Variants in EBF2 observed in about 807,000 individuals in gnomAD.
EBF2 encodes EBF transcription factor 2, also known as transcription factor COE2.
EBF2 carries 21 observed loss-of-function variants against 72.8 expected under a neutral mutation model. That is an observed-to-expected ratio of 0.29 (90% CI 0.20 to 0.42). EBF2 has a LOEUF of 0.42. Ranked by LOEUF, EBF2 falls within the 10% of genes least tolerant of loss-of-function variation. The probability of loss-of-function intolerance (pLI) is 1.00; values close to 1 mark genes in which losing one functional copy is unlikely to be tolerated. For synonymous variants in EBF2, 299 were observed against 274.2 expected (o/e 1.09, Z -0.89); for missense variants, 637 against 731.2 (o/e 0.87, Z 1.49).
chr8:25,928,003 A>G (rs73553979), intron 6 of EBF2, among the ~76,000 whole-genome samples: 3,259 of 152,250 alleles, frequency 0.021, 120 homozygotes, highest in African/African-American at 0.074. Context: ...ATATTATAAA[A>G]AAGTCCATCA....
Position 25,916,193 on chromosome 8 carries a change from C to T in EBF2, c.552-7638G>A, listed in dbSNP as rs190918184. On this transcript the variant is annotated intron_variant, in intron 6 of 15. Transcript: ENST00000520164. Reference sequence around the variant, plus strand: ...CCTAGCGACTTGGGAGGCTGAGACACGAGAATCACTTGAATCTGGGAGGCG... The same window carrying T: ...CCTAGCGACTTGGGAGGCTGAGACATGAGAATCACTTGAATCTGGGAGGCG... Among the ~76,000 whole-genome samples, 899 of 149,270 alleles carry T rather than the reference C, an allele frequency of 6.0e-3. 4 individuals carry two copies. The highest frequency in any genetic ancestry group is 9.8e-3 in the Non-Finnish European group (661 of 67,574).
Position 26,044,960 on chromosome 8 carries a change from C to A in EBF2, c.-101G>T. 1 of 1,307,098 alleles carries A rather than the reference C, an allele frequency of 7.7e-7. No individual in the cohort carries two copies. Among genetic ancestry groups the A allele is most frequent in the South Asian group, 1.6e-5 (1 of 60,776 alleles). 81.0% of individuals were successfully genotyped at this position (1,307,098 alleles called of 1,614,324 possible). A position where few individuals can be genotyped will look rare whatever the true frequency, so the allele number is the denominator to read the frequency against. ...AGCAAATCGTCTCCTCCAAAGCAAT[C>A]CAAGAAAAGGGATCAAGTGCCCAAG... On this transcript the variant is annotated 5_prime_UTR_variant, in exon 1 of 16. Transcript: ENST00000520164. This position sits in a 1 kb window ranked among gnomAD's most constrained non-coding sequence, Gnocchi z 4.1.
At chr8:26,013,260 C>CA (rs1278919227) in intron 6 of EBF2, among the ~76,000 whole-genome samples, 1 of 152,130 alleles carries the variant, frequency 6.6e-6, no homozygotes, top group African/African-American at 2.4e-5. Flanking sequence ...CAGCCAGGGG[C>CA]AAAACAGCTC....
At chr8:25,986,567 TG>T (rs930865946) in intron 6 of EBF2, among the ~76,000 whole-genome samples, 16 of 152,376 alleles carry the variant, frequency 1.1e-4, no homozygotes, top group African/African-American at 3.8e-4. Flanking sequence ...TCAGTGGGCT[TG>T]TTTACTGGTC....
chr8:25,842,636 C>T lies in EBF2; in HGVS notation c.*1973G>A, dbSNP rs181209998. The T allele has an allele frequency of 6.6e-6, 1 of 152,218 alleles. No individual in the cohort carries two copies. The highest frequency in any genetic ancestry group is 1.5e-5 in the Non-Finnish European group (1 of 68,014). 9.4% of individuals were successfully genotyped at this position (152,218 alleles called of 1,614,324 possible). ...TCCGTGTATTTTGGCGCTTTAAGCC[C>T]TGACTATGAGGGACTGTCAGCAGTA... is the stretch of plus-strand genomic sequence containing the variant. On this transcript the variant is annotated 3_prime_UTR_variant, in exon 16 of 16. Transcript: ENST00000520164.
intron 6 of EBF2, among the ~76,000 whole-genome samples, chr8:25,922,125 A>C (rs1803314809): frequency 6.6e-6 from 1 of 152,190 alleles, no homozygotes; most frequent in Non-Finnish European, 1.5e-5. Context: ...GACTCCCATA[A>C]ATCAGCCCCA....
chr8:26,032,791 G>T (rs1226572281), intron 6 of EBF2: 2 of 297,926 alleles, frequency 6.7e-6, no homozygotes, highest in Non-Finnish European at 1.3e-5. Context: ...ACCATACCCT[G>T]CCCGAAAGGA....
intron 6 of EBF2, among the ~76,000 whole-genome samples, chr8:25,994,210 T>A (rs1238049071): frequency 1.3e-5 from 2 of 151,958 alleles, no homozygotes; most frequent in Admixed American, 1.3e-4. Context: ...AAAATAATGA[T>A]CAAAATAGAA....
rs549729771 is a variant in EBF2, at chr8:25,960,724, C to T, written c.552-52169G>A. 1.6e-4 allele frequency among the ~76,000 whole-genome samples: 24 copies of T among 152,194 alleles called. No homozygotes were observed. In the South Asian group the frequency reaches 4.8e-3, roughly 30 times the overall value. On this transcript the variant is annotated intron_variant, in intron 6 of 15. Coordinates refer to ENST00000520164, the MANE Select transcript of EBF2 (RefSeq NM_022659.4). The stretch of plus-strand genomic sequence containing the variant: ...TGATGCTGTTTCGTCTCTAGAGCAT[C>T]ATCAAAAAGCCTCAAGAGATGGAGC...
intron 6 of EBF2, among the ~76,000 whole-genome samples, chr8:26,025,315 G>A (rs972165038): frequency 7.2e-5 from 11 of 152,054 alleles, no homozygotes; most frequent in East Asian, 3.9e-4. Flanking sequence ...GCTTATTTAC[G>A]CTGTATGCTC....
intron 6 of EBF2, among the ~76,000 whole-genome samples, chr8:25,930,401 T>C (rs1311614549): frequency 6.6e-6 from 1 of 152,180 alleles, no homozygotes; most frequent in East Asian, 1.9e-4. Flanking sequence ...TATCTATCTA[T>C]AAGAATATCT....
chr8:26,025,237 C>T (rs780771459), intron 6 of EBF2, among the ~76,000 whole-genome samples: 1 of 152,186 alleles, frequency 6.6e-6, no homozygotes, highest in South Asian at 2.1e-4. Flanking sequence ...ATGTTGGGAC[C>T]TAGGTACCAT....
At chr8:25,968,388 T>A (rs1229250498) in intron 6 of EBF2, among the ~76,000 whole-genome samples, 5 of 152,170 alleles carry the variant, frequency 3.3e-5, no homozygotes, top group African/African-American at 1.2e-4. Flanking sequence ...CGCTACAACA[T>A]GGATAAGCCT....
chr8:25,999,907 C>G (rs1042306653), intron 6 of EBF2, among the ~76,000 whole-genome samples: 1 of 152,084 alleles, frequency 6.6e-6, no homozygotes, highest in African/African-American at 2.4e-5. Context: ...ACCAAGACAT[C>G]AAAAGTCTCT....
intron 6 of EBF2, among the ~76,000 whole-genome samples, chr8:25,998,121 G>C (rs1257927167): frequency 6.6e-6 from 1 of 152,140 alleles, no homozygotes; most frequent in African/African-American, 2.4e-5. Flanking sequence ...GGTCTTCTTA[G>C]GCCTTCTTCC....
At chr8:25,935,261 A>AG (rs1036165532) in intron 6 of EBF2, among the ~76,000 whole-genome samples, 3 of 151,714 alleles carry the variant, frequency 2.0e-5, no homozygotes, top group Admixed American at 6.6e-5. Flanking sequence ...GGGATTGGAA[A>AG]GGGGGGGAAA....
chr8:25,893,084 CAAGGTT>C (rs1390544950), intron 7 of EBF2, among the ~76,000 whole-genome samples: 1 of 151,964 alleles, frequency 6.6e-6, no homozygotes, highest in Non-Finnish European at 1.5e-5. Flanking sequence ...CTCATGGTCG[CAAGGTT>C]AAGATGAACA....
rs564279172 is a variant in EBF2 at position 26,013,414 on chromosome 8, C to T, written c.551+19671G>A. On this transcript the variant is annotated intron_variant, in intron 6 of 15. Coordinates refer to ENST00000520164, the MANE Select transcript of EBF2 (RefSeq NM_022659.4). ...CCCTTTAACTAATACTTGCTGGGTG[C>T]CTGCTCTAAGTGGAGTGCATTGAAG... is the stretch of plus-strand genomic sequence containing the variant. Among the ~76,000 whole-genome samples the T allele has an allele frequency of 8.3e-4, 127 of 152,212 alleles. 1 individual carries two copies. Among genetic ancestry groups the T allele is most frequent in the African/African-American group, 2.9e-3 (119 of 41,510 alleles).
chr8:25,901,904 A>G (rs910213777), intron 7 of EBF2, among the ~76,000 whole-genome samples: 1 of 152,142 alleles, frequency 6.6e-6, no homozygotes, highest in Non-Finnish European at 1.5e-5. Flanking sequence ...TATTTTTTAT[A>G]TCCTTCCACT....
Sources: allele counts gnomAD v4.1 joint callset (sites outside exome capture counted in the v4.1 genomes callset), GRCh38; gene constraint gnomAD v4.1.1; non-coding constraint Gnocchi (gnomAD v3.1); transcripts MANE v1.5; gene names NCBI Gene and HGNC (gene_info 2026-07-23, HGNC 2026-07-21).